PILRA: variants seen among roughly 807,000 people sequenced by gnomAD.
PILRA encodes paired immunoglobin like type 2 receptor alpha.
In PILRA, 37 loss-of-function variants were observed where a neutral mutation model predicts 33.1. The ratio of observed to expected loss-of-function variants is 1.12; its 90% confidence interval spans 0.86 to 1.47. PILRA has a LOEUF of 1.47. Among genes scored for constraint, PILRA ranks in the 40% most tolerant of loss-of-function variants. The pLI, the probability that PILRA is intolerant of heterozygous loss-of-function variation, is 0.00. For missense variants in PILRA, 312 were observed against 376.2 expected, an observed-to-expected ratio of 0.83 and a Z score of 1.41; for synonymous variants, 146 against 149.9, an observed-to-expected ratio of 0.97 and a Z score of 0.19.
intron 2 of PILRA, among the ~76,000 whole-genome samples, chr7:100,384,481 G>A (rs539068228): frequency 2.7e-5 from 4 of 148,768 alleles, no homozygotes; most frequent in Non-Finnish European, 5.9e-5. Context: ...AGGCTGGAGT[G>A]CAGTGGCATG....
intron 2 of PILRA, among the ~76,000 whole-genome samples, chr7:100,382,815 A>T (rs73401448): frequency 0.034 from 5,129 of 151,990 alleles, 303 homozygotes; most frequent in African/African-American, 0.12. Flanking sequence ...TTGTAGCTTC[A>T]CTCTGGAAGC....
At chr7:100,399,666 G>A (rs983522782) in intron 6 of PILRA, 54 bp downstream of exon 6, 25 of 1,612,274 alleles carry the variant, frequency 1.6e-5, no homozygotes, top group Admixed American at 3.3e-5. Flanking sequence ...GGAGAAGGTG[G>A]GGTGGAAGGG....
intron 4 of PILRA, 26 bp from the exon 5 acceptor site, chr7:100,399,265 T>A: frequency 6.3e-7 from 1 of 1,585,558 alleles, no homozygotes; most frequent in South Asian, 1.1e-5. Context: ...CTCTAACATA[T>A]TTCCTGTCCT....
chr7:100,375,529 C>T (rs1461423411), intron 2 of PILRA, among the ~76,000 whole-genome samples: 2 of 152,046 alleles, frequency 1.3e-5, no homozygotes, highest in African/African-American at 4.8e-5. Context: ...GTCAGGAGTT[C>T]GAGACCAGCC....
At chr7:100,381,990 C>A (rs1303136535) in intron 2 of PILRA, among the ~76,000 whole-genome samples, 1 of 148,976 alleles carries the variant, frequency 6.7e-6, no homozygotes, top group Non-Finnish European at 1.5e-5. Context: ...GCCCGCCATG[C>A]CTCAGTCCCC....
intron 5 of PILRA, 47 bp downstream of exon 5, chr7:100,399,387 C>T: frequency 6.5e-7 from 1 of 1,531,508 alleles, no homozygotes; most frequent in South Asian, 1.1e-5. Flanking sequence ...CCTGGCACTT[C>T]CTGTTTCCCC....
In PILRA at chr7:100,374,232, A is replaced by C; in HGVS notation, c.253A>C (p.Arg85=). The C allele has an allele frequency of 6.2e-7, 1 of 1,614,124 alleles. No homozygotes were observed. The highest frequency in any genetic ancestry group is 8.5e-7 in the Non-Finnish European group (1 of 1,180,016). ...HFHRQSFYST[R]PPSIHKDYVN... is the part of the protein sequence containing the mutation. The stretch of plus-strand genomic sequence containing the variant: ...CCACAGGCAGTCCTTCTACAGCACA[A>C]GGCCGCCTTCCATTCACAAGGATTA... Residue 85 remains arginine (R), a synonymous_variant, in exon 2 of 7, where the codon AGG becomes CGG. Coordinates refer to ENST00000198536, the MANE Select transcript of PILRA (RefSeq NM_013439.3).
Position 100,374,073 on chromosome 7 carries a change from C to T in PILRA, c.94C>T (p.Leu32Phe). ...SGSTGSGPSY[L>F]YGVTQPKHLS... ...CTCCACAGGATCTGGTCCAAGCTACCTTTATGGGGTCACTCAACCAAAACA... is the reference window on the plus strand; with the variant it reads ...CTCCACAGGATCTGGTCCAAGCTACTTTTATGGGGTCACTCAACCAAAACA... Residue 32 changes from leucine (L) to phenylalanine (F), a missense_variant, in exon 2 of 7, where the codon CTT becomes TTT. By Grantham distance (22) the Leu-to-Phe change is conservative. Coordinates refer to ENST00000198536, the MANE Select transcript of PILRA (RefSeq NM_013439.3). 6.2e-7 allele frequency: 1 copy of T among 1,614,104 alleles called. No homozygotes were observed. Among genetic ancestry groups the T allele is most frequent in the South Asian group, 1.1e-5 (1 of 91,084 alleles).
intron 2 of PILRA, among the ~76,000 whole-genome samples, chr7:100,377,431 C>CG (rs1485492885): frequency 6.6e-6 from 1 of 151,450 alleles, no homozygotes; most frequent in Non-Finnish European, 1.5e-5. Flanking sequence ...TTAGTAGAGA[C>CG]GGGGTTTCAC....
At chr7:100,389,853 A>AG in intron 2 of PILRA, 35 bp from the exon 3 acceptor site, 1 of 1,576,576 alleles carries the variant, frequency 6.3e-7, no homozygotes, top group Non-Finnish European at 8.7e-7. Flanking sequence ...CTGTGCCCCC[A>AG]GGGGAGGGTC....
intron 5 of PILRA, 74 bp from the exon 6 acceptor site, chr7:100,399,507 A>G: frequency 6.4e-7 from 1 of 1,556,498 alleles, no homozygotes. Context: ...CCTCACTCCT[A>G]GAGCCCCCTG....
At chr7:100,394,593 CAA>C (rs60131231) in intron 3 of PILRA, among the ~76,000 whole-genome samples, 12,338 of 45,086 alleles carry the variant, frequency 0.27, 202 homozygotes, top group African/African-American at 0.31. Flanking sequence ...GATTCTATCT[CAA>C]AAAAAAAAAA....
intron 1 of PILRA, 108 bp downstream of exon 1, chr7:100,373,828 G>C (rs928680176): frequency 1.4e-6 from 2 of 1,466,916 alleles, no homozygotes; most frequent in African/African-American, 2.8e-5. Context: ...CCACCACCAG[G>C]AAACAAGGGC....
chr7:100,381,110 C>CA (rs1359206752), intron 2 of PILRA, among the ~76,000 whole-genome samples: 1 of 150,964 alleles, frequency 6.6e-6, no homozygotes, highest in Non-Finnish European at 1.5e-5. Context: ...ACTAAAAATA[C>CA]AAAAAATTAG....
At chr7:100,394,460 T>C (rs1371591154) in intron 3 of PILRA, among the ~76,000 whole-genome samples, 1 of 151,326 alleles carries the variant, frequency 6.6e-6, no homozygotes, top group Non-Finnish European at 1.5e-5. Flanking sequence ...CAAACCAAAT[T>C]CAACAGCACG....
At chr7:100,377,511 G>T (rs1056086756) in intron 2 of PILRA, among the ~76,000 whole-genome samples, 1 of 152,112 alleles carries the variant, frequency 6.6e-6, no homozygotes, top group Non-Finnish European at 1.5e-5. Flanking sequence ...AAAGTGCTGG[G>T]ATTACAGGCT....
chr7:100,398,063 T>A (rs1051740331), intron 4 of PILRA, 151 bp downstream of exon 4: 5 of 743,230 alleles, frequency 6.7e-6, no homozygotes, highest in Middle Eastern at 2.3e-4. Flanking sequence ...CTTGTTCTCC[T>A]TTGTCCTCTA....
chr7:100,382,489 G>T (rs1791130504), intron 2 of PILRA, among the ~76,000 whole-genome samples: 1 of 152,144 alleles, frequency 6.6e-6, no homozygotes, highest in African/African-American at 2.4e-5. Flanking sequence ...ATTTAGTGGG[G>T]ACTTGGAGAA....
At chr7:100,373,819 C>T in intron 1 of PILRA, 99 bp downstream of exon 1, 1 of 1,502,632 alleles carries the variant, frequency 6.7e-7, no homozygotes. Flanking sequence ...CCCAGGCTCC[C>T]ACCACCAGGA....
Sources: gnomAD v4.1 joint callset for allele counts (sites outside exome capture counted in the v4.1 genomes callset) on GRCh38, gnomAD v4.1.1 for gene constraint, MANE v1.5 for transcripts, NCBI Gene and HGNC (gene_info 2026-07-23, HGNC 2026-07-21) for gene names.